Variants in CDC25B observed in about 807,000 individuals in gnomAD.
CDC25B encodes the protein cell division cycle 25B, also known as M-phase inducer phosphatase 2.
A neutral mutation model predicts 69.8 loss-of-function variants in CDC25B; 33 were observed. The observed-to-expected ratio is 0.47, with a 90% CI of 0.36 to 0.63. CDC25B has a LOEUF of 0.63. Among genes scored for constraint, CDC25B ranks in the 30% least tolerant of loss-of-function variants. The probability of loss-of-function intolerance (pLI) is 0.00; values close to 1 mark genes in which losing one functional copy is unlikely to be tolerated. For missense variants in CDC25B, 727 were observed against 809.1 expected (o/e 0.90, Z 1.23); for synonymous variants, 341 against 314.6 (o/e 1.08, Z -0.89).
intron 2 of CDC25B, 60 bp from the exon 3 acceptor site, chr20:3,798,352 G>T (rs368985391): frequency 1.0e-5 from 8 of 775,232 alleles, no homozygotes; most frequent in African/African-American, 7.4e-5. Context: ...TTGGGACATG[G>T]TGGGGGAAAG....
rs958627741 is a variant in CDC25B at position 3,805,751 on chromosome 20, C to T, written c.*790C>T. ...AGCCCAGCCCCTACTGCTGTGAACC[C>T]TGGGGCCTGACTGCTCAGAACTTGC... On this transcript the variant is annotated 3_prime_UTR_variant, in exon 16 of 16. Coordinates refer to ENST00000245960, the MANE Select transcript of CDC25B (RefSeq NM_021873.4). 2.5e-6 allele frequency: 1 copy of T among 404,154 alleles called. No homozygotes were observed. Among genetic ancestry groups the T allele is most frequent in the African/African-American group, 2.1e-5 (1 of 48,780 alleles). 25.0% of individuals were successfully genotyped at this position (404,154 alleles called of 1,614,324 possible).
upstream of CDC25B, among the ~76,000 whole-genome samples, chr20:3,792,514 C>G (rs560888679): frequency 4.6e-5 from 7 of 152,266 alleles, no homozygotes; most frequent in South Asian, 1.5e-3. Flanking sequence ...TTCGCCCAGG[C>G]TGGAGTGCAA....
At chr20:3,791,770 G>A (rs938105052), upstream of CDC25B, among the ~76,000 whole-genome samples, 1 of 152,048 alleles carries the variant, frequency 6.6e-6, no homozygotes, top group African/African-American at 2.4e-5. Context: ...GACACATAAG[G>A]GCATACTTAC....
chr20:3,802,455 G>A lies in CDC25B; in HGVS notation c.1194+79G>A, dbSNP rs1352054177. On this transcript the variant is annotated intron_variant, in intron 11 of 15. Coordinates refer to ENST00000245960, the MANE Select transcript of CDC25B (RefSeq NM_021873.4). ...GGGTCCTCTAGCCCAGGGGCTGCTT[G>A]GGTTCCTCCCTTTCTCCCCGGAGCC... The A allele has an allele frequency of 4.1e-6, 4 of 972,396 alleles. No homozygotes were observed. In the African/African-American group the frequency reaches 6.5e-5, roughly 16 times the overall value. The allele number at this position is 972,396 out of a possible 1,614,324, so 60.2% of individuals were successfully genotyped here.
intron 1 of CDC25B, among the ~76,000 whole-genome samples, chr20:3,789,396 G>A (rs1280090412): frequency 2.0e-5 from 3 of 152,008 alleles, no homozygotes; most frequent in Non-Finnish European, 4.4e-5. Flanking sequence ...TTGAGACGGA[G>A]TCTCACTGTG....
At chr20:3,798,346 G>A (rs1275530571) in intron 2 of CDC25B, 66 bp from the exon 3 acceptor site, 5 of 674,204 alleles carry the variant, frequency 7.4e-6, no homozygotes, top group Non-Finnish European at 1.2e-5. Flanking sequence ...TTCATATTGG[G>A]ACATGGTGGG....
At position 3,801,047 on chromosome 20, in the gene CDC25B, G is replaced by T. The variant is rs767534464; in HGVS notation, c.659G>T (p.Arg220Leu). 12 of 1,614,044 alleles carry T rather than the reference G, an allele frequency of 7.4e-6. No individual in the cohort carries two copies. In the South Asian group the frequency reaches 1.2e-4, roughly 16 times the overall value. Residue 220 changes from arginine (R) to leucine (L), a missense_variant, in exon 7 of 16, where the codon CGC becomes CTC. Coordinates refer to ENST00000245960, the MANE Select transcript of CDC25B (RefSeq NM_021873.4). ...CATGCTCTGGCAGAGTGGGCCAGCCGCAGGGAAGCCTTTGCCCAGAGACCC... is the reference window on the plus strand; with the variant it reads ...CATGCTCTGGCAGAGTGGGCCAGCCTCAGGGAAGCCTTTGCCCAGAGACCC... ...STHALAEWAS[R>L]REAFAQRPSS...
At chr20:3,801,859 C>A in intron 9 of CDC25B, 57 bp downstream of exon 9, 2 of 1,583,134 alleles carry the variant, frequency 1.3e-6, no homozygotes, top group Non-Finnish European at 1.7e-6. Context: ...ATCCTACTCT[C>A]CAGTGGATTT....
chr20:3,796,488 C>A lies in CDC25B; in HGVS notation c.-44C>A. On this transcript the variant is annotated 5_prime_UTR_variant, in exon 1 of 16. Coordinates refer to ENST00000245960, the MANE Select transcript of CDC25B (RefSeq NM_021873.4). ...AGCTGTGCCGGCGTTTGTTGGCTGC[C>A]CTGCGCCCGGCCCTCCAGCCAGCCT... 7.5e-7 allele frequency: 1 copy of A among 1,327,432 alleles called. No homozygotes were observed. Among genetic ancestry groups the A allele is most frequent in the South Asian group, 1.3e-5 (1 of 75,094 alleles). 82.2% of individuals were successfully genotyped at this position (1,327,432 alleles called of 1,614,324 possible).
rs769072014 is a variant in CDC25B, at chr20:3,796,556, G to A, written c.25G>A (p.Ala9Thr). ...GATGGAGGTGCCCCAGCCGGAGCCCGCGCCAGGCTCGGCTCTCAGTCCAGC... is the reference window on the plus strand; with the variant it reads ...GATGGAGGTGCCCCAGCCGGAGCCCACGCCAGGCTCGGCTCTCAGTCCAGC... MEVPQPEP[A>T]PGSALSPAGV... The change falls in exon 1 of 16, where the codon GCG becomes ACG. Residue 9 changes from alanine (A) to threonine (T), a missense_variant. Coordinates refer to ENST00000245960, the MANE Select transcript of CDC25B (RefSeq NM_021873.4). The A allele has an allele frequency of 2.7e-6, 4 of 1,478,692 alleles. No homozygotes were observed. In the South Asian group the frequency reaches 5.2e-5, roughly 19 times the overall value. The allele number at this position is 1,478,692 out of a possible 1,614,324, so 91.6% of individuals were successfully genotyped here.
chr20:3,796,036 T>C (rs1221392974), upstream of CDC25B: 3 of 996,746 alleles, frequency 3.0e-6, no homozygotes, highest in African/African-American at 1.7e-5. Context: ...GCGTTGCTGC[T>C]GCCTTTGGGA....
rs892194301 is a variant in CDC25B, at chr20:3,796,581, C to G, written c.50C>G (p.Ala17Gly). 1.4e-6 allele frequency: 2 copies of G among 1,454,190 alleles called. No homozygotes were observed. The highest frequency in any genetic ancestry group is 2.8e-5 in the South Asian group (2 of 72,512). The allele number at this position is 1,454,190 out of a possible 1,614,324, so 90.1% of individuals were successfully genotyped here. A position where few individuals can be genotyped will look rare whatever the true frequency, so the allele number is the denominator to read the frequency against. ...GCGCCAGGCTCGGCTCTCAGTCCAG[C>G]AGGCGTGTGCGGTGGCGCCCAGCGT... Reference protein sequence around the residue: ...EPAPGSALSPAGVCGGAQRPG... With the variant: ...EPAPGSALSPGGVCGGAQRPG... The change falls in exon 1 of 16, where the codon GCA (alanine) becomes GGA (glycine). Residue 17 changes from alanine to glycine, a missense_variant. By Grantham distance (60) the Ala-to-Gly change is moderately conservative (BLOSUM62 0). This residue lies in a region of CDC25B where 368 missense variants were observed against 345.6 expected (regional missense o/e 1.06). Transcript: ENST00000245960.
chr20:3,796,585 C>T lies in CDC25B; in HGVS notation c.54C>T (p.Gly18=). The change falls in exon 1 of 16, where the codon GGC becomes GGT. Residue 18 remains glycine, a synonymous_variant. Coordinates refer to ENST00000245960, the MANE Select transcript of CDC25B (RefSeq NM_021873.4). ...PAPGSALSPA[G]VCGGAQRPGH... ...CAGGCTCGGCTCTCAGTCCAGCAGG[C>T]GTGTGCGGTGGCGCCCAGCGTCCGG... The T allele has an allele frequency of 1.4e-6, 2 of 1,453,446 alleles. No individual in the cohort carries two copies. The highest frequency in any genetic ancestry group is 2.6e-5 in the Admixed American group (1 of 38,492). 90.0% of individuals were successfully genotyped at this position (1,453,446 alleles called of 1,614,324 possible). A position where few individuals can be genotyped will look rare whatever the true frequency, so the allele number is the denominator to read the frequency against.
upstream of CDC25B, among the ~76,000 whole-genome samples, chr20:3,793,227 G>A (rs2088943767): frequency 6.6e-6 from 1 of 152,198 alleles, no homozygotes; most frequent in Admixed American, 6.5e-5. Context: ...GGAGGCCGAG[G>A]TGGGTGGATC....
chr20:3,791,061 T>G (rs760687295), intron 1 of CDC25B, among the ~76,000 whole-genome samples: 3 of 152,162 alleles, frequency 2.0e-5, no homozygotes, highest in Non-Finnish European at 2.9e-5. Context: ...CAACATGTAG[T>G]CTTTCAATAA....
chr20:3,803,274 G>T lies in CDC25B; in HGVS notation c.1356+68G>T. 6.4e-7 allele frequency: 1 copy of T among 1,570,616 alleles called. No homozygotes were observed. Among genetic ancestry groups the T allele is most frequent in the Admixed American group, 1.7e-5 (1 of 58,890 alleles). On this transcript the variant is annotated intron_variant, in intron 13 of 15. Coordinates refer to ENST00000245960, the MANE Select transcript of CDC25B (RefSeq NM_021873.4). This position sits in a 1 kb window ranked among gnomAD's most constrained non-coding sequence, Gnocchi z 4.9. ...GTTTAGGTCCTTGCTTTGCCAAGAG[G>T]GTGAATGGGTGGAGGACGGGTGCCC...
At chr20:3,804,029 T>C (rs868335799) in intron 14 of CDC25B, among the ~76,000 whole-genome samples, 1 of 152,166 alleles carries the variant, frequency 6.6e-6, no homozygotes, top group South Asian at 2.1e-4. Context: ...TGCTAGTGGC[T>C]CCCCAGCCTG....
chr20:3,803,496 C>A lies in CDC25B; in HGVS notation c.1449C>A (p.Leu483=). The A allele has an allele frequency of 6.2e-7, 1 of 1,614,118 alleles. No homozygotes were observed. The highest frequency in any genetic ancestry group is 8.5e-7 in the Non-Finnish European group (1 of 1,179,996). Residue 483 remains leucine (L), a synonymous_variant, in exon 14 of 16, where the codon CTC becomes CTA. Transcript: ENST00000245960. The surrounding 1 kb of genome is among the most constrained non-coding windows in gnomAD (Gnocchi z 4.9). ...GTAGCCTGGACAAGAGAGTCATCCT[C>A]ATTTTCCACTGTGAATTCTCATCTG... ...APCSLDKRVI[L]IFHCEFSSER...
chr20:3,802,427 T>A, intron 11 of CDC25B, 51 bp downstream of exon 11: 1 of 1,308,756 alleles, frequency 7.6e-7, no homozygotes, highest in Non-Finnish European at 1.1e-6. Context: ...TCTTACTGAC[T>A]AGGGGTCCTC....
Sources: gnomAD v4.1 joint callset for allele counts (sites outside exome capture counted in the v4.1 genomes callset) on GRCh38, gnomAD v4.1.1 for gene constraint, gnomAD v4.1.1 regional missense constraint, Gnocchi (gnomAD v3.1) non-coding constraint, MANE v1.5 for transcripts, NCBI Gene and HGNC (gene_info 2026-07-23, HGNC 2026-07-21) for gene names.